LUC7L: variants seen among roughly 807,000 people sequenced by gnomAD.
The protein encoded by LUC7L is putative RNA-binding protein Luc7-like 1.
Under a neutral mutation model 51.1 loss-of-function variants are expected in LUC7L, and 29 were observed. The ratio of observed to expected loss-of-function variants is 0.57; its 90% CI spans 0.42 to 0.77. LUC7L has a LOEUF of 0.77. LUC7L is among the 30% of genes least tolerant of loss of function. LUC7L has a pLI of 0.00. For synonymous variants in LUC7L, 181 were observed against 180.7 expected (o/e 1.00, Z -0.01); for missense variants, 403 against 511.9 (o/e 0.79, Z 2.05).
intron 6 of LUC7L, among the ~76,000 whole-genome samples, chr16:195,957 T>G (rs771960333): frequency 9.9e-5 from 15 of 152,234 alleles, no homozygotes; most frequent in Non-Finnish European, 1.8e-4. Flanking sequence ...ATACGAGTTG[T>G]GTTGTTTTGG....
intron 3 of LUC7L, 121 bp from the exon 4 acceptor site, chr16:208,309 G>A (rs951950791): frequency 1.4e-5 from 10 of 690,246 alleles, no homozygotes; most frequent in Admixed American, 3.2e-5. Flanking sequence ...TACATTCAAG[G>A]GAAAGATCTT....
chr16:229,033 G>C, intron 1 of LUC7L: 1 of 1,428,374 alleles, frequency 7.0e-7, no homozygotes, highest in Non-Finnish European at 9.1e-7. Context: ...ACGGTACATA[G>C]GAAGGAGGCT....
At chr16:195,087 T>C (rs1241195376) in intron 6 of LUC7L, among the ~76,000 whole-genome samples, 1 of 152,110 alleles carries the variant, frequency 6.6e-6, no homozygotes, top group Non-Finnish European at 1.5e-5. Context: ...TCATCCTGTG[T>C]CTGAAGCAGG....
At chr16:200,305 T>C (rs1412667654) in intron 5 of LUC7L, among the ~76,000 whole-genome samples, 2 of 151,536 alleles carry the variant, frequency 1.3e-5, no homozygotes, top group African/African-American at 4.9e-5. Context: ...GCGCCTGTAG[T>C]CCCAGCTACT....
At chr16:190,604 G>A (rs2048986505) in intron 7 of LUC7L, 34 bp from the exon 8 acceptor site, 1 of 1,608,144 alleles carries the variant, frequency 6.2e-7, no homozygotes. Flanking sequence ...ACAAGGCCAG[G>A]CATGGTGGCT....
Position 203,833 on chromosome 16 carries a change from G to T in LUC7L, c.510+2171C>A, listed in dbSNP as rs528419013. ...AGATAGAGGCCATCCTGGCTAACAC[G>T]GTTAAATCATATCTCTACTAAAAAC... On this transcript the variant is annotated intron_variant, in intron 5 of 9. Coordinates refer to ENST00000293872, the MANE Select transcript of LUC7L (RefSeq NM_201412.3). 1.1e-4 allele frequency among the ~76,000 whole-genome samples: 17 copies of T among 151,878 alleles called. No homozygotes were observed. In the East Asian group the frequency reaches 3.1e-3, roughly 28 times the overall value.
chr16:227,637 T>C (rs866820555), intron 1 of LUC7L: 9 of 1,167,014 alleles, frequency 7.7e-6, no homozygotes, highest in Admixed American at 4.0e-5. Context: ...CACATATACA[T>C]GTGGCAATGA....
chr16:207,308 A>T (rs547224938), intron 4 of LUC7L, among the ~76,000 whole-genome samples: 36 of 152,120 alleles, frequency 2.4e-4, no homozygotes, highest in Middle Eastern at 3.4e-3. Flanking sequence ...TGAAGCCTCA[A>T]TCTCCCCAAG....
At position 192,502 on chromosome 16, in the gene LUC7L, C is replaced by CTTT. The variant is rs398058029; in HGVS notation, c.776+422_776+424dup. Among the ~76,000 whole-genome samples the CTTT allele has an allele frequency of 4.6e-3, 584 of 125,602 alleles. 13 individuals are homozygous for CTTT. The highest frequency in any genetic ancestry group is 6.4e-3 in the African/African-American group (218 of 33,876). The allele number at this position is 125,602 out of a possible 152,430, so 82.4% of individuals were successfully genotyped here. On this transcript the variant is annotated intron_variant, in intron 7 of 9. Coordinates refer to ENST00000293872, the MANE Select transcript of LUC7L (RefSeq NM_201412.3). ...TTTGTTGGACTGAATATGCTGTTTA[C>CTTT]TTTTTTTTTTTTTTTTTTTGGTTGA... is the stretch of plus-strand genomic sequence containing the variant.
At position 193,552 on chromosome 16, in the gene LUC7L, A is replaced by G. The variant is rs1261980248; in HGVS notation, c.688-537T>C. Reference sequence around the variant, plus strand: ...CAGAGTCCGCCCTGTTGCCCAGTGCAGTGGCGCGATCTTTGCTCACTGAAG... The same window carrying G: ...CAGAGTCCGCCCTGTTGCCCAGTGCGGTGGCGCGATCTTTGCTCACTGAAG... On this transcript the variant is annotated intron_variant, in intron 6 of 9. Transcript: ENST00000293872. Among the ~76,000 whole-genome samples, 3 of 152,090 alleles carry G rather than the reference A, an allele frequency of 2.0e-5. No homozygotes were observed. In the East Asian group the frequency reaches 5.8e-4, roughly 29 times the overall value.
chr16:208,259 G>A lies in LUC7L; in HGVS notation c.256-71C>T, dbSNP rs1473445671. 7 of 1,124,280 alleles carry A rather than the reference G, an allele frequency of 6.2e-6. No homozygotes were observed. In the East Asian group the frequency reaches 1.7e-4, roughly 27 times the overall value. 69.6% of individuals were successfully genotyped at this position (1,124,280 alleles called of 1,614,324 possible). On this transcript the variant is annotated intron_variant, in intron 3 of 9. Transcript: ENST00000293872. The stretch of plus-strand genomic sequence containing the variant: ...GTAAAGTCTTAGAACCCATTTGCTT[G>A]ATAGGAAATACACTCCTAGGTTCGT...
At chr16:193,898 G>C (rs2049081075) in intron 6 of LUC7L, among the ~76,000 whole-genome samples, 1 of 151,618 alleles carries the variant, frequency 6.6e-6, no homozygotes, top group Non-Finnish European at 1.5e-5. Flanking sequence ...CCGCCTCCCG[G>C]GTTCACGCCA....
chr16:228,016 A>T (rs1244921547), intron 1 of LUC7L: 2 of 1,120,222 alleles, frequency 1.8e-6, no homozygotes, highest in African/African-American at 3.3e-5. Flanking sequence ...CCTCAGCTGC[A>T]GAATTTTATG....
intron 2 of LUC7L, among the ~76,000 whole-genome samples, chr16:226,669 TCAAA>T (rs1307764596): frequency 6.6e-6 from 1 of 152,124 alleles, no homozygotes; most frequent in Non-Finnish European, 1.5e-5. Flanking sequence ...CAACTTGAGG[TCAAA>T]CAAACCCACG....
At chr16:204,036 A>C (rs2049409139) in intron 5 of LUC7L, among the ~76,000 whole-genome samples, 1 of 152,028 alleles carries the variant, frequency 6.6e-6, no homozygotes, top group Non-Finnish European at 1.5e-5. Flanking sequence ...AAAAACAAAA[A>C]CCAAAAAACA....
intron 3 of LUC7L, among the ~76,000 whole-genome samples, chr16:211,547 T>C (rs184988567): frequency 2.4e-4 from 36 of 152,314 alleles, no homozygotes; most frequent in Admixed American, 2.1e-3. Context: ...GGCTTTCTGT[T>C]CTACTGCCCT....
intron 2 of LUC7L, among the ~76,000 whole-genome samples, chr16:222,234 T>C (rs2049989963): frequency 6.6e-6 from 1 of 150,892 alleles, no homozygotes; most frequent in Non-Finnish European, 1.5e-5. Context: ...GTGCTGAGGA[T>C]CATCGTGTCA....
chr16:190,286 C>G, intron 8 of LUC7L, 151 bp from the exon 9 acceptor site: 2 of 784,428 alleles, frequency 2.5e-6, no homozygotes, highest in Non-Finnish European at 4.1e-6. Flanking sequence ...CAGTTAATCT[C>G]CAATGGCTAG....
chr16:197,965 G>A (rs1018567693), intron 6 of LUC7L, among the ~76,000 whole-genome samples: 6 of 152,174 alleles, frequency 3.9e-5, no homozygotes, highest in South Asian at 2.1e-4. Flanking sequence ...TTAGCATTCC[G>A]TACTTAAAGT....
Sources: gnomAD v4.1 joint callset for allele counts (sites outside exome capture counted in the v4.1 genomes callset) on GRCh38, gnomAD v4.1.1 for gene constraint, MANE v1.5 for transcripts, NCBI Gene and HGNC (gene_info 2026-07-23, HGNC 2026-07-21) for gene names.